The following RYR3 variants were observed in gnomAD, a reference collection of about 807,000 sequenced individuals.
RYR3 encodes the protein ryanodine receptor 3.
In RYR3, 207 loss-of-function variants were observed where a neutral mutation model predicts 584.3. The ratio of observed to expected loss-of-function variants is 0.35; its 90% confidence interval spans 0.32 to 0.40. RYR3 has a LOEUF of 0.40. Among genes scored for constraint, RYR3 ranks in the 10% least tolerant of loss-of-function variants. The pLI is 1.00. For synonymous variants in RYR3, 2,416 were observed against 2,248.5 expected, an observed-to-expected ratio of 1.07 and a Z score of -2.11; for missense variants, 5,616 against 6,089.2, an observed-to-expected ratio of 0.92 and a Z score of 2.59.
Position 33,750,064 on chromosome 15 carries a change from G to T in RYR3, c.8275+10G>T. The T allele has an allele frequency of 6.8e-6, 11 of 1,610,672 alleles. No individual in the cohort carries two copies. The highest frequency in any genetic ancestry group is 9.3e-6 in the Non-Finnish European group (11 of 1,178,530). ...GAGCTGGAGAGCAAAGGTGAGTGAGGTTCACAGCATCCCCTAAAGAAGCTG... is the reference window on the plus strand; with the variant it reads ...GAGCTGGAGAGCAAAGGTGAGTGAGTTTCACAGCATCCCCTAAAGAAGCTG... On this transcript the variant is annotated intron_variant, in intron 56 of 103. Transcript: ENST00000634891.
chr15:33,845,129 C>G, intron 93 of RYR3, 67 bp downstream of exon 93: 7 of 1,535,656 alleles, frequency 4.6e-6, no homozygotes, highest in Non-Finnish European at 6.3e-6. Context: ...TTGAGCCCAG[C>G]CAGCCCTTTG....
intron 86 of RYR3, among the ~76,000 whole-genome samples, chr15:33,832,724 G>A (rs2152973530): frequency 6.6e-6 from 1 of 151,764 alleles, no homozygotes; most frequent in Middle Eastern, 3.4e-3. Flanking sequence ...GAGCCAAAGG[G>A]GCCAGGTGCA....
chr15:33,496,850 T>C (rs548686798), intron 2 of RYR3, among the ~76,000 whole-genome samples: 1 of 152,258 alleles, frequency 6.6e-6, no homozygotes, highest in South Asian at 2.1e-4. Flanking sequence ...CCTCTCAATT[T>C]AGCATTGAAT....
At chr15:33,709,773 T>C (rs1275511284) in intron 43 of RYR3, among the ~76,000 whole-genome samples, 1 of 152,214 alleles carries the variant, frequency 6.6e-6, no homozygotes, top group African/African-American at 2.4e-5. Flanking sequence ...GTCTTTGATA[T>C]TCTGTTATAG....
At chr15:33,497,135 C>T (rs1013968167) in intron 2 of RYR3, among the ~76,000 whole-genome samples, 1 of 152,150 alleles carries the variant, frequency 6.6e-6, no homozygotes, top group Admixed American at 6.5e-5. Flanking sequence ...CGCGTTAATT[C>T]CCCAGATTCC....
intron 28 of RYR3, 34 bp from the exon 29 acceptor site, chr15:33,646,317 G>A (rs1418067489): frequency 6.4e-7 from 1 of 1,554,672 alleles, no homozygotes. Context: ...CAGGCCCTTT[G>A]GTATGTCAAG....
At chr15:33,339,844 G>C (rs1292061810) in intron 1 of RYR3, among the ~76,000 whole-genome samples, 1 of 147,350 alleles carries the variant, frequency 6.8e-6, no homozygotes, top group East Asian at 2.0e-4. Context: ...AGCCGAGATA[G>C]CACCACTGCA....
chr15:33,514,922 T>G (rs1427577584), intron 3 of RYR3, among the ~76,000 whole-genome samples: 1 of 151,952 alleles, frequency 6.6e-6, no homozygotes, highest in Non-Finnish European at 1.5e-5. Flanking sequence ...GAGAATGGCG[T>G]GAACCCGGGA....
At chr15:33,613,672 A>G (rs2060308828) in intron 19 of RYR3, among the ~76,000 whole-genome samples, 1 of 152,246 alleles carries the variant, frequency 6.6e-6, no homozygotes, top group Admixed American at 6.5e-5. Context: ...GAAAAACTTC[A>G]AAGACAATAG....
At chr15:33,777,944 C>T (rs190110658) in intron 64 of RYR3, among the ~76,000 whole-genome samples, 1,521 of 152,068 alleles carry the variant, frequency 0.01, 20 homozygotes, top group African/African-American at 0.034. Flanking sequence ...CAGAGGCGGG[C>T]GGATCACCTG....
Position 33,525,217 on chromosome 15 carries a change from T to C in RYR3, c.280-5375T>C, listed in dbSNP as rs1567447689. ...GCTTAATAACCCCGCCTTTCTCCTG[T>C]TGTACTGAAATCTGCTTTGTCATAT... On this transcript the variant is annotated intron_variant, in intron 3 of 103. Transcript: ENST00000634891. Among the ~76,000 whole-genome samples, 10 of 152,214 alleles carry C rather than the reference T, an allele frequency of 6.6e-5. No homozygotes were observed. The South Asian group carries it at 2.1e-3, about 32-fold the overall frequency.
rs538006776 is a variant in RYR3, at chr15:33,763,790, G to A, written c.8706-4868G>A. On this transcript the variant is annotated intron_variant, in intron 60 of 103. Transcript: ENST00000634891. ...CGCCTGTAATCCCAGCTTCTTGGGA[G>A]GCTGAAGCAGGACAATCGCTTGAAT... 1.9e-4 allele frequency among the ~76,000 whole-genome samples: 29 copies of A among 150,942 alleles called. No homozygotes were observed. In the South Asian group the frequency reaches 4.0e-3, roughly 21 times the overall value.
At chr15:33,731,777 C>A in intron 48 of RYR3, 83 bp downstream of exon 48, 1 of 974,066 alleles carries the variant, frequency 1.0e-6, no homozygotes, top group South Asian at 1.4e-5. Context: ...AACTGGTGGT[C>A]TAGTCTAAGG....
chr15:33,349,375 C>G (rs531930373), intron 1 of RYR3, among the ~76,000 whole-genome samples: 158 of 152,206 alleles, frequency 1.0e-3, no homozygotes, highest in African/African-American at 3.5e-3. Context: ...AAAGTGGCTG[C>G]ACCATTTTGA....
At chr15:33,799,374 T>C (rs2075792311) in intron 67 of RYR3, among the ~76,000 whole-genome samples, 1 of 152,148 alleles carries the variant, frequency 6.6e-6, no homozygotes, top group Non-Finnish European at 1.5e-5. Flanking sequence ...GGAGAGGGGC[T>C]GGATATTGAG....
chr15:33,584,133 G>T (rs982978031), intron 14 of RYR3, among the ~76,000 whole-genome samples: 3 of 152,084 alleles, frequency 2.0e-5, no homozygotes, highest in Non-Finnish European at 4.4e-5. Context: ...AGCTACTCTG[G>T]AGGCTGAGGC....
In RYR3 at chr15:33,662,703, G is replaced by A. The variant is rs768262446; in HGVS notation, c.5173G>A (p.Val1725Met). 5.0e-6 allele frequency: 8 copies of A among 1,614,062 alleles called. No individual in the cohort carries two copies. In the African/African-American group the frequency reaches 6.7e-5, roughly 13 times the overall value. Reference protein sequence around the residue: ...GGSVEFQFVPVLKLIGTLLVM... With the variant: ...GGSVEFQFVPMLKLIGTLLVM... ...GTCTGTGGAGTTCCAGTTTGTGCCT[G>A]TGCTGAAACTCATTGGAACCCTGCT... is the stretch of plus-strand genomic sequence containing the variant. Residue 1725 changes from valine (V) to methionine (M), a missense_variant, in exon 35 of 104, where the codon GTG becomes ATG. Physicochemically the swap from Val to Met is conservative, Grantham distance 21 (BLOSUM62 1). This residue lies in a region of RYR3 where 753 missense variants were observed against 741.0 expected (regional missense o/e 1.02). Coordinates refer to ENST00000634891, the MANE Select transcript of RYR3 (RefSeq NM_001036.6).
At chr15:33,848,733 G>A (rs12439280) in intron 94 of RYR3, among the ~76,000 whole-genome samples, 122,018 of 151,892 alleles carry the variant, frequency 0.8, 49,805 homozygotes, top group Non-Finnish European at 0.88. Context: ...GGGCTTAAGT[G>A]GCCAAGGCGT....
At chr15:33,435,655 A>C (rs1297532271) in intron 1 of RYR3, among the ~76,000 whole-genome samples, 1 of 152,152 alleles carries the variant, frequency 6.6e-6, no homozygotes, top group African/African-American at 2.4e-5. Context: ...GAATGAAGCC[A>C]CCGACCTCAA....
Sources: allele counts gnomAD v4.1 joint callset (sites outside exome capture counted in the v4.1 genomes callset), GRCh38; gene constraint gnomAD v4.1.1; regional missense constraint gnomAD v4.1.1; transcripts MANE v1.5; gene names NCBI Gene and HGNC (gene_info 2026-07-23, HGNC 2026-07-21).